Variants in TBC1D5 observed in about 807,000 individuals in gnomAD.
TBC1D5 encodes the protein TBC1 domain family member 5.
Under a neutral mutation model 100.3 loss-of-function variants are expected in TBC1D5, and 75 were observed. That is an observed-to-expected ratio of 0.75 (90% CI 0.62 to 0.91). The LOEUF (loss-of-function observed/expected upper bound fraction) is 0.91. TBC1D5 is among the 40% of genes least tolerant of loss of function. TBC1D5 has a pLI of 0.00. For missense variants in TBC1D5, 910 were observed against 942.4 expected, an observed-to-expected ratio of 0.97 and a Z score of 0.45; for synonymous variants, 323 against 325.6, an observed-to-expected ratio of 0.99 and a Z score of 0.09.
intron 2 of TBC1D5, among the ~76,000 whole-genome samples, chr3:17,572,729 A>G (rs757810350): frequency 4.0e-5 from 6 of 151,802 alleles, no homozygotes; most frequent in Non-Finnish European, 8.8e-5. Flanking sequence ...TTCACTTCTG[A>G]CCCCTCTATT....
intron 15 of TBC1D5, among the ~76,000 whole-genome samples, chr3:17,268,906 T>C (rs1346331935): frequency 6.6e-6 from 1 of 152,116 alleles, no homozygotes; most frequent in East Asian, 1.9e-4. Flanking sequence ...CTATACTAGT[T>C]TCTTAACTCT....
intron 1 of TBC1D5, among the ~76,000 whole-genome samples, chr3:17,715,143 A>T (rs887096237): frequency 6.6e-6 from 1 of 152,242 alleles, no homozygotes; most frequent in Non-Finnish European, 1.5e-5. Flanking sequence ...CTAAATGTAA[A>T]TGTCATACTG....
At chr3:17,593,347 A>C (rs2060355247) in intron 2 of TBC1D5, among the ~76,000 whole-genome samples, 1 of 152,184 alleles carries the variant, frequency 6.6e-6, no homozygotes, top group African/African-American at 2.4e-5. Flanking sequence ...TGGAGGTTAC[A>C]CACGGGCTCA....
intron 17 of TBC1D5, among the ~76,000 whole-genome samples, chr3:17,223,576 G>A (rs566072531): frequency 2.6e-5 from 4 of 152,176 alleles, no homozygotes; most frequent in African/African-American, 7.2e-5. Flanking sequence ...AAAAGACTAC[G>A]CTGGCGGGGT....
At chr3:17,376,363 A>T (rs59714365) in intron 10 of TBC1D5, among the ~76,000 whole-genome samples, 162 bp downstream of exon 10, 13,676 of 152,152 alleles carry the variant, frequency 0.09, 1,412 homozygotes, top group African/African-American at 0.25. Flanking sequence ...GCCTAACAAC[A>T]ATTAAGTAGA....
intron 1 of TBC1D5, among the ~76,000 whole-genome samples, chr3:17,718,911 C>T (rs1027972758): frequency 6.6e-6 from 1 of 152,142 alleles, no homozygotes; most frequent in Non-Finnish European, 1.5e-5. Flanking sequence ...ATTCAACTGT[C>T]CCAGACCTAT....
intron 15 of TBC1D5, among the ~76,000 whole-genome samples, chr3:17,285,102 T>C (rs2081030594): frequency 6.6e-6 from 1 of 151,864 alleles, no homozygotes; most frequent in African/African-American, 2.4e-5. Flanking sequence ...GAAACAATCT[T>C]GCTGTAACAT....
At chr3:17,455,194 ATATATATG>A (rs565105341) in intron 3 of TBC1D5, among the ~76,000 whole-genome samples, 156 of 145,626 alleles carry the variant, frequency 1.1e-3, no homozygotes, top group African/African-American at 3.7e-3. Context: ...GTGTGTGTGT[ATATATATG>A]TATATATGTA....
intron 1 of TBC1D5, among the ~76,000 whole-genome samples, chr3:17,628,341 G>C (rs2153665759): frequency 6.6e-6 from 1 of 150,924 alleles, no homozygotes; most frequent in African/African-American, 2.4e-5. Context: ...CTGCACTCCA[G>C]CCTGGGCAAC....
At chr3:17,582,612 G>C (rs1217923686) in intron 2 of TBC1D5, among the ~76,000 whole-genome samples, 1 of 150,596 alleles carries the variant, frequency 6.6e-6, no homozygotes, top group Admixed American at 6.6e-5. Context: ...TCTTCAAAAA[G>C]AGTGTAAATA....
chr3:17,374,563 C>T (rs370727635), intron 11 of TBC1D5, 23 bp from the exon 12 acceptor site: 4 of 1,609,920 alleles, frequency 2.5e-6, no homozygotes, highest in African/African-American at 1.3e-5. Flanking sequence ...TAACACAATG[C>T]TATGTAACTT....
At chr3:17,309,126 TAA>T (rs2083713844) in intron 13 of TBC1D5, among the ~76,000 whole-genome samples, 2 of 152,000 alleles carry the variant, frequency 1.3e-5, no homozygotes, top group Admixed American at 6.5e-5. Context: ...AAAAATTAGT[TAA>T]GAGATGTTAA....
At chr3:17,636,833 A>G (rs1009789390) in intron 1 of TBC1D5, among the ~76,000 whole-genome samples, 20 of 151,960 alleles carry the variant, frequency 1.3e-4, no homozygotes, top group African/African-American at 4.8e-4. Context: ...TAGCATAAGA[A>G]TAGATTTACC....
chr3:17,541,064 TG>T lies in TBC1D5; in HGVS notation c.-35-32460del, dbSNP rs2096350911. Among the ~76,000 whole-genome samples, 3 of 152,072 alleles carry T rather than the reference TG, an allele frequency of 2.0e-5. No homozygotes were observed. The South Asian group carries it at 6.2e-4, about 32-fold the overall frequency. On this transcript the variant is annotated intron_variant, in intron 2 of 21. Coordinates refer to ENST00000253692, the Ensembl canonical transcript of TBC1D5. ...AACACTGTTTTGATTACTGTAGCTT[TG>T]TAGTAAGTTTTAAAATCAGAAAATG...
intron 20 of TBC1D5, among the ~76,000 whole-genome samples, chr3:17,167,316 C>G (rs1052748730): frequency 6.6e-6 from 1 of 152,236 alleles, no homozygotes; most frequent in Non-Finnish European, 1.5e-5. Context: ...AAACAGCATA[C>G]TCTTTTTCAC....
intron 8 of TBC1D5, among the ~76,000 whole-genome samples, chr3:17,400,609 T>C (rs1430367529): frequency 2.6e-5 from 4 of 152,058 alleles, no homozygotes; most frequent in Non-Finnish European, 4.4e-5. Context: ...ATGCAAAGTA[T>C]TGTTCCTGGG....
In TBC1D5 at chr3:17,502,448, C is replaced by T. The variant is rs542339053; in HGVS notation, c.97+6026G>A. Among the ~76,000 whole-genome samples, 155 of 149,234 alleles carry T rather than the reference C, an allele frequency of 1.0e-3. 6 individuals carry two copies. The highest frequency in any genetic ancestry group is 1.8e-3 in the Non-Finnish European group (121 of 67,852). The stretch of plus-strand genomic sequence containing the variant: ...ACTTCTCCAGCCTCTTTTTTTAAGT[C>T]TCCTCTGCGGGATCCTCTTCTGTTG... On this transcript the variant is annotated intron_variant, in intron 3 of 21. Transcript: ENST00000253692.
chr3:17,338,711 G>T (rs1440533062), intron 13 of TBC1D5: 1 of 152,106 alleles, frequency 6.6e-6, no homozygotes, highest in Admixed American at 6.5e-5. Flanking sequence ...AATTCATTTT[G>T]GGAACACTAG....
chr3:17,238,011 C>G, intron 17 of TBC1D5, 152 bp downstream of exon 17: 1 of 1,141,182 alleles, frequency 8.8e-7, no homozygotes, highest in Non-Finnish European at 1.2e-6. Context: ...AAGACCAACA[C>G]GGTATCTAGT....
Sources: gnomAD v4.1 joint callset for allele counts (sites outside exome capture counted in the v4.1 genomes callset) on GRCh38, gnomAD v4.1.1 for gene constraint, MANE v1.5 for transcripts, NCBI Gene and HGNC (gene_info 2026-07-23, HGNC 2026-07-21) for gene names.